ME1: variants seen among roughly 807,000 people sequenced by gnomAD.
ME1 encodes the protein NADP-dependent malic enzyme.
ME1 carries 74 observed loss-of-function variants against 66.4 expected under a neutral mutation model. The observed-to-expected ratio is 1.11, with a 90% confidence interval of 0.92 to 1.35. ME1 has a LOEUF of 1.35. ME1 is among the 40% of genes most tolerant of loss of function. The pLI is 0.00. For missense variants in ME1, 750 were observed against 694.1 expected (o/e 1.08, Z -0.90); for synonymous variants, 251 against 235.6 (o/e 1.07, Z -0.60).
intron 3 of ME1, among the ~76,000 whole-genome samples, chr6:83,358,810 C>A (rs189154302): frequency 4.6e-5 from 7 of 152,068 alleles, no homozygotes; most frequent in African/African-American, 1.4e-4. Context: ...ATAAACCCTG[C>A]GCTACCTGAG....
chr6:83,334,150 C>G (rs1017586040), intron 5 of ME1, among the ~76,000 whole-genome samples: 1 of 151,970 alleles, frequency 6.6e-6, no homozygotes, highest in Non-Finnish European at 1.5e-5. Flanking sequence ...ATTGCCTCAC[C>G]TGGGAAGCGC....
At chr6:83,375,075 A>T (rs1430132632) in intron 3 of ME1, among the ~76,000 whole-genome samples, 3 of 152,048 alleles carry the variant, frequency 2.0e-5, no homozygotes, top group Non-Finnish European at 4.4e-5. Flanking sequence ...CCTTGGCTAT[A>T]TGGGGTCTTC....
chr6:83,304,819 C>A (rs980841008), intron 6 of ME1, among the ~76,000 whole-genome samples: 3 of 152,136 alleles, frequency 2.0e-5, no homozygotes, highest in Non-Finnish European at 2.9e-5. Context: ...TTGATTATGG[C>A]AAATTTTATA....
chr6:83,404,251 G>C (rs1435516111), intron 2 of ME1, among the ~76,000 whole-genome samples: 1 of 148,294 alleles, frequency 6.7e-6, no homozygotes, highest in Non-Finnish European at 1.5e-5. Context: ...TTTCTCTAAT[G>C]ACCAGTGATG....
intron 11 of ME1, among the ~76,000 whole-genome samples, chr6:83,226,796 A>G (rs937015321): frequency 2.0e-5 from 3 of 152,204 alleles, no homozygotes; most frequent in African/African-American, 7.2e-5. Flanking sequence ...TCCTTTCAGC[A>G]TATCAGCCAA....
chr6:83,328,229 C>T (rs1345749885), intron 5 of ME1, among the ~76,000 whole-genome samples: 1 of 152,120 alleles, frequency 6.6e-6, no homozygotes, highest in Non-Finnish European at 1.5e-5. Flanking sequence ...GAAAACCAAA[C>T]ACCGCATGTT....
rs2128539184 is a variant in ME1 at position 83,315,113 on chromosome 6, C to A, written c.704+197G>T. The stretch of plus-strand genomic sequence containing the variant: ...AAAAAAGTATATTCAGGGACAGCAA[C>A]AGAAATAATCTATTCTGGATAGACA... On this transcript the variant is annotated intron_variant, in intron 6 of 13. Coordinates refer to ENST00000369705, the MANE Select transcript of ME1 (RefSeq NM_002395.6). Among the ~76,000 whole-genome samples, 2 of 152,122 alleles carry A rather than the reference C, an allele frequency of 1.3e-5. 1 individual carries two copies. The highest frequency in any genetic ancestry group is 4.2e-4 in the South Asian group (2 of 4,816).
At chr6:83,221,924 A>C (rs1000709091) in intron 12 of ME1, among the ~76,000 whole-genome samples, 1 of 152,216 alleles carries the variant, frequency 6.6e-6, no homozygotes, top group African/African-American at 2.4e-5. Context: ...AGGCCAAGAG[A>C]TGCAGCCAGA....
At chr6:83,255,614 CAAAAT>C (rs958363403) in intron 6 of ME1, among the ~76,000 whole-genome samples, 1 of 151,754 alleles carries the variant, frequency 6.6e-6, no homozygotes, top group African/African-American at 2.4e-5. Context: ...CAAGCTATAC[CAAAAT>C]TTCTGTTTTC....
chr6:83,239,681 C>T (rs745309128), intron 7 of ME1, 45 bp from the exon 8 acceptor site: 1 of 1,367,744 alleles, frequency 7.3e-7, no homozygotes, highest in South Asian at 1.2e-5. Context: ...CAAACAGATC[C>T]TGCCAATTTT....
intron 1 of ME1, among the ~76,000 whole-genome samples, chr6:83,412,971 TA>T: frequency 6.6e-6 from 1 of 152,348 alleles, no homozygotes; most frequent in Admixed American, 6.5e-5. Context: ...AATTTCATTA[TA>T]TTGAATTTTA....
chr6:83,239,598 G>A lies in ME1; in HGVS notation c.853C>T (p.Leu285Phe). ...GACAGTTTGTTCTTGGTTATTCGAA[G>A]AGCTGCAAGGAGACCTGCAACTGCA... is the stretch of plus-strand genomic sequence containing the variant. ...SVAVAGLLAA[L>F]RITKNKLSDQ... Residue 285 changes from leucine (L) to phenylalanine (F), a missense_variant, in exon 8 of 14, where the codon CTT (leucine) becomes TTT (phenylalanine). Physicochemically the swap from Leu to Phe is conservative, Grantham distance 22 (BLOSUM62 0). Transcript: ENST00000369705. The A allele has an allele frequency of 6.2e-7, 1 of 1,613,442 alleles. No homozygotes were observed. Among genetic ancestry groups the A allele is most frequent in the Middle Eastern group, 1.7e-4 (1 of 6,058 alleles).
chr6:83,399,732 T>C (rs1769807146), intron 2 of ME1, among the ~76,000 whole-genome samples: 2 of 152,230 alleles, frequency 1.3e-5, no homozygotes, highest in South Asian at 4.1e-4. Flanking sequence ...TCAGTTCAAC[T>C]TAAAAGAATC....
intron 7 of ME1, among the ~76,000 whole-genome samples, chr6:83,244,689 G>A (rs1790585915): frequency 6.6e-6 from 1 of 151,836 alleles, no homozygotes; most frequent in South Asian, 2.1e-4. Flanking sequence ...ATACAATCTG[G>A]GCCACAGATA....
chr6:83,237,792 C>T lies in ME1; in HGVS notation c.951G>A (p.Leu317=). Residue 317 remains leucine (L), a synonymous_variant, in exon 9 of 14, where the codon TTG becomes TTA. Transcript: ENST00000369705. ...LGIAHLIVMA[L]EKEGLPKEKA... ...TCTCTTTTGGTAAACCTTCTTTTTC[C>T]AAGGCCATCACAATCAGGTGTGCAA... 1.2e-6 allele frequency: 2 copies of T among 1,605,340 alleles called. No homozygotes were observed. The highest frequency in any genetic ancestry group is 1.7e-6 in the Non-Finnish European group (2 of 1,175,416).
At chr6:83,360,899 G>A (rs2128545884) in intron 3 of ME1, among the ~76,000 whole-genome samples, 1 of 152,354 alleles carries the variant, frequency 6.6e-6, no homozygotes. Context: ...TTCCTGGTAT[G>A]CAGCCATTGA....
At chr6:83,413,872 G>A (rs1770100308) in intron 1 of ME1, among the ~76,000 whole-genome samples, 1 of 151,966 alleles carries the variant, frequency 6.6e-6, no homozygotes, top group Admixed American at 6.6e-5. Flanking sequence ...ACATTGGGAG[G>A]GTAAAGCAGA....
chr6:83,413,407 A>AT (rs1430660599), intron 1 of ME1, among the ~76,000 whole-genome samples: 1 of 152,002 alleles, frequency 6.6e-6, no homozygotes, highest in East Asian at 1.9e-4. Context: ...TTTTTTCTTA[A>AT]TTTTTTATTT....
In ME1 at chr6:83,398,514, T is replaced by C. The variant is rs765338588; in HGVS notation, c.215A>G (p.Tyr72Cys). 1.3e-6 allele frequency: 2 copies of C among 1,520,702 alleles called. No individual in the cohort carries two copies. The highest frequency in any genetic ancestry group is 1.8e-6 in the Non-Finnish European group (2 of 1,121,590). The allele number at this position is 1,520,702 out of a possible 1,614,324, so 94.2% of individuals were successfully genotyped here. ...FEHLNSDFDR[Y>C]LLLMDLQDRN... ...ATCTTGGAGATCCATTAAGAGAAGATACCTGTAAAAATTGGACATAATTAG... is the reference window on the plus strand; with the variant it reads ...ATCTTGGAGATCCATTAAGAGAAGACACCTGTAAAAATTGGACATAATTAG... The change falls in exon 3 of 14, where the codon TAT (tyrosine) becomes TGT (cysteine). Residue 72 changes from tyrosine to cysteine, a missense_variant and splice_region_variant. Physicochemically the swap from Tyr to Cys is radical, Grantham distance 194 (BLOSUM62 -2). Coordinates refer to ENST00000369705, the MANE Select transcript of ME1 (RefSeq NM_002395.6).
Sources: allele counts gnomAD v4.1 joint callset (sites outside exome capture counted in the v4.1 genomes callset), GRCh38; gene constraint gnomAD v4.1.1; transcripts MANE v1.5; gene names NCBI Gene and HGNC (gene_info 2026-07-23, HGNC 2026-07-21).